VPS18: variants seen among roughly 807,000 people sequenced by gnomAD.
VPS18 encodes the protein VPS18 core subunit of CORVET and HOPS complexes, also known as vacuolar protein sorting-associated protein 18 homolog.
Under a neutral mutation model 82.0 loss-of-function variants are expected in VPS18, and 25 were observed. That is an observed-to-expected ratio of 0.30 (90% CI 0.22 to 0.43). The LOEUF (loss-of-function observed/expected upper bound fraction) is 0.43. VPS18 is among the 20% of genes least tolerant of loss of function. The pLI is 1.00. For synonymous variants in VPS18, 523 were observed against 543.0 expected (o/e 0.96, Z 0.51); for missense variants, 1,168 against 1,311.1 (o/e 0.89, Z 1.69).
Position 40,899,222 on chromosome 15 carries a change from C to T in VPS18, c.404C>T (p.Ala135Val). 1 of 1,614,232 alleles carries T rather than the reference C, an allele frequency of 6.2e-7. No homozygotes were observed. The highest frequency in any genetic ancestry group is 8.5e-7 in the Non-Finnish European group (1 of 1,180,050). ...NRNGQKVRPL[A>V]RWKGQLVESV... ...AATGGACAGAAGGTACGGCCACTAG[C>T]ACGCTGGAAGGGGCAGCTGGTGGAG... Residue 135 changes from alanine (A) to valine (V), a missense_variant, in exon 4 of 5, where the codon GCA (alanine) becomes GTA (valine). This residue lies in a region of VPS18 where 868 missense variants were observed against 939.8 expected (regional missense o/e 0.92). Coordinates refer to ENST00000220509, the MANE Select transcript of VPS18 (RefSeq NM_020857.3). The surrounding 1 kb of genome is among the most constrained non-coding windows in gnomAD (Gnocchi z 4.4).
In VPS18 at chr15:40,899,345, C is replaced by T. The variant is rs1892296024; in HGVS notation, c.527C>T (p.Ala176Val). The T allele has an allele frequency of 6.2e-7, 1 of 1,613,120 alleles. No homozygotes were observed. The change falls in exon 4 of 5, where the codon GCC becomes GTC. Residue 176 changes from alanine to valine, a missense_variant. By Grantham distance (64) the Ala-to-Val change is moderately conservative (BLOSUM62 0). Transcript: ENST00000220509. This position sits in a 1 kb window ranked among gnomAD's most constrained non-coding sequence, Gnocchi z 4.4. ...QGHIFEAELSASEGGLFGPAP... is the reference protein window; with the variant it reads ...QGHIFEAELSVSEGGLFGPAP... ...CACATCTTTGAAGCAGAGCTCTCAG[C>T]CAGCGAAGGTGGGCTTTTCGGCCCT...
In VPS18 at chr15:40,899,767, G is replaced by T. The variant is rs200336682; in HGVS notation, c.949G>T (p.Gly317Trp). Residue 317 changes from glycine (G) to tryptophan (W), a missense_variant, in exon 4 of 5, where the codon GGG (glycine) becomes TGG (tryptophan). Transcript: ENST00000220509. The surrounding 1 kb of genome is among the most constrained non-coding windows in gnomAD (Gnocchi z 4.4). Reference protein sequence around the residue: ...SEERVWEYPEGVGPGASPPLA... With the variant: ...SEERVWEYPEWVGPGASPPLA... ...GGAGCGAGTCTGGGAGTACCCAGAGGGGGTAGGGCCTGGGGCCAGCCCACC... is the reference window on the plus strand; with the variant it reads ...GGAGCGAGTCTGGGAGTACCCAGAGTGGGTAGGGCCTGGGGCCAGCCCACC... The T allele has an allele frequency of 6.8e-6, 11 of 1,613,114 alleles. No individual in the cohort carries two copies. The highest frequency in any genetic ancestry group is 3.3e-4 in the Middle Eastern group (2 of 6,084).
chr15:40,895,938 G>A lies in VPS18; in HGVS notation c.92G>A (p.Gly31Glu). 2.5e-6 allele frequency: 4 copies of A among 1,614,094 alleles called. No homozygotes were observed. Among genetic ancestry groups the A allele is most frequent in the Non-Finnish European group, 3.4e-6 (4 of 1,180,002 alleles). Residue 31 changes from glycine to glutamate, a missense_variant and splice_region_variant, in exon 2 of 5, where the codon GGG (glycine) becomes GAG (glutamate). By Grantham distance (98) the Gly-to-Glu change is moderately conservative. This residue lies in a region of VPS18 where 868 missense variants were observed against 939.8 expected (regional missense o/e 0.92). Coordinates refer to ENST00000220509, the MANE Select transcript of VPS18 (RefSeq NM_020857.3). Reference sequence around the variant, plus strand: ...TCTTCTTGTCATTCCTTACCTGTAGGGTATGTGAATGCCCAGCTGGAGAAG... The same window carrying A: ...TCTTCTTGTCATTCCTTACCTGTAGAGTATGTGAATGCCCAGCTGGAGAAG... ...GCPSVGIPHS[G>E]YVNAQLEKEV... is the part of the protein sequence containing the mutation.
chr15:40,901,355 G>T (rs1461003543), intron 4 of VPS18, among the ~76,000 whole-genome samples: 1 of 151,796 alleles, frequency 6.6e-6, no homozygotes. Context: ...TTGGGAGGCC[G>T]AGGTGGGCGG....
In VPS18 at chr15:40,900,619, A is replaced by G. The variant is rs762063753; in HGVS notation, c.1801A>G (p.Ile601Val). The change falls in exon 4 of 5, where the codon ATC (isoleucine) becomes GTC (valine). Residue 601 changes from isoleucine (I) to valine (V), a missense_variant. By Grantham distance (29) the Ile-to-Val change is conservative (BLOSUM62 3). Coordinates refer to ENST00000220509, the MANE Select transcript of VPS18 (RefSeq NM_020857.3). This position sits in a 1 kb window ranked among gnomAD's most constrained non-coding sequence, Gnocchi z 5.4. ...CCAGCTCTTCTACAAGTTCTCACCC[A>G]TCCTCATCCGTCACATCCCCCGCCA... ...DPQLFYKFSP[I>V]LIRHIPRQLV... 1.2e-6 allele frequency: 2 copies of G among 1,613,700 alleles called. No homozygotes were observed. The highest frequency in any genetic ancestry group is 1.3e-5 in the African/African-American group (1 of 74,830).
rs1251245999 is a variant in VPS18, at chr15:40,903,186, G to A, written c.2767G>A (p.Ala923Thr). The A allele has an allele frequency of 1.9e-6, 3 of 1,608,386 alleles. No homozygotes were observed. The highest frequency in any genetic ancestry group is 2.7e-5 in the African/African-American group (2 of 74,824). The change falls in exon 5 of 5, where the codon GCC (alanine) becomes ACC (threonine). Residue 923 changes from alanine (A) to threonine (T), a missense_variant. Physicochemically the swap from Ala to Thr is moderately conservative, Grantham distance 58 (BLOSUM62 0). Around this residue, in one of 3 missense-constraint regions of VPS18, gnomAD observed 296 missense variants for 354.0 expected, o/e 0.84. Transcript: ENST00000220509. ...ARAKEAEGGA[A>T]TAGPSREQLK... ...GGCCAAGGAGGCCGAGGGTGGGGCT[G>A]CCACGGCAGGGCCCAGCCGGGAACA...
At chr15:40,898,267 T>TC (rs1193459048) in intron 2 of VPS18, among the ~76,000 whole-genome samples, 12 of 147,882 alleles carry the variant, frequency 8.1e-5, no homozygotes, top group South Asian at 2.2e-4. Flanking sequence ...TTTTTTTTTT[T>TC]CCCCCCTTTT....
At position 40,899,645 on chromosome 15, in the gene VPS18, A is replaced by G; in HGVS notation, c.827A>G (p.Lys276Arg). 2 of 1,613,014 alleles carry G rather than the reference A, an allele frequency of 1.2e-6. No homozygotes were observed. The highest frequency in any genetic ancestry group is 1.7e-6 in the Non-Finnish European group (2 of 1,180,022). ...GYSELAFYTP[K>R]LRSAPRAFAW... The stretch of plus-strand genomic sequence containing the variant: ...AGTGAGTTGGCCTTCTACACCCCCA[A>G]GCTGCGCTCCGCACCCCGGGCCTTC... Residue 276 changes from lysine (K) to arginine (R), a missense_variant, in exon 4 of 5, where the codon AAG (lysine) becomes AGG (arginine). Coordinates refer to ENST00000220509, the MANE Select transcript of VPS18 (RefSeq NM_020857.3). This position sits in a 1 kb window ranked among gnomAD's most constrained non-coding sequence, Gnocchi z 4.4.
intron 2 of VPS18, among the ~76,000 whole-genome samples, chr15:40,896,462 A>G (rs905834636): frequency 2.0e-5 from 3 of 151,812 alleles, no homozygotes; most frequent in African/African-American, 7.3e-5. Context: ...ACTTGAGCCC[A>G]GGAGTTCAAG....
At chr15:40,901,217 C>T (rs1892351840) in intron 4 of VPS18, among the ~76,000 whole-genome samples, 1 of 152,194 alleles carries the variant, frequency 6.6e-6, no homozygotes, top group Admixed American at 6.5e-5. Flanking sequence ...AGTTTCTGAA[C>T]CTCTCTGTGC....
chr15:40,899,747 GA>G lies in VPS18; in HGVS notation c.930del (p.Val311SerfsTer8). 6.2e-7 allele frequency: 1 copy of G among 1,613,676 alleles called. No individual in the cohort carries two copies. Among genetic ancestry groups the G allele is most frequent in the Non-Finnish European group, 8.5e-7 (1 of 1,180,034 alleles). On this transcript the variant is annotated frameshift_variant, in exon 4 of 5. Coordinates refer to ENST00000220509, the MANE Select transcript of VPS18 (RefSeq NM_020857.3). LOFTEE classifies it high-confidence loss of function. This position sits in a 1 kb window ranked among gnomAD's most constrained non-coding sequence, Gnocchi z 4.4. Reference protein sequence around the residue: ...GRPDSLLSEERVWEYPEGVGP... With the variant: ...GRPDSLLSEEXVWEYPEGVGP... ...CCTGACTCTCTGCTGAGCGAGGAGCGAGTCTGGGAGTACCCAGAGGGGGTAG... is the reference window on the plus strand; with the variant it reads ...CCTGACTCTCTGCTGAGCGAGGAGCGGTCTGGGAGTACCCAGAGGGGGTAG...
At chr15:40,894,961 C>T in intron 1 of VPS18, 102 bp downstream of exon 1, 6 of 1,191,358 alleles carry the variant, frequency 5.0e-6, no homozygotes, top group Non-Finnish European at 6.9e-6. Context: ...TCCCCTGGGC[C>T]GTGCCTTCCG....
rs1278954031 is a variant in VPS18, at chr15:40,895,933, T to G, written c.92-5T>G. The G allele has an allele frequency of 3.1e-6, 5 of 1,614,084 alleles. No individual in the cohort carries two copies. The highest frequency in any genetic ancestry group is 4.2e-6 in the Non-Finnish European group (5 of 1,180,016). On this transcript the variant is annotated splice_polypyrimidine_tract_variant and splice_region_variant and intron_variant, in intron 1 of 4. Coordinates refer to ENST00000220509, the MANE Select transcript of VPS18 (RefSeq NM_020857.3). ...GCTAATCTTCTTGTCATTCCTTACC[T>G]GTAGGGTATGTGAATGCCCAGCTGG... is the stretch of plus-strand genomic sequence containing the variant.
At position 40,900,184 on chromosome 15, in the gene VPS18, A is replaced by G; in HGVS notation, c.1366A>G (p.Ile456Val). 1 of 1,613,612 alleles carries G rather than the reference A, an allele frequency of 6.2e-7. No homozygotes were observed. The change falls in exon 4 of 5, where the codon ATT becomes GTT. Residue 456 changes from isoleucine (I) to valine (V), a missense_variant. Physicochemically the swap from Ile to Val is conservative, Grantham distance 29. Transcript: ENST00000220509. This position sits in a 1 kb window ranked among gnomAD's most constrained non-coding sequence, Gnocchi z 5.4. ...CCTGACCCAGAGCTACTTTGAGGAG[A>G]TTGCCCTCAAGTTCCTGGAGGCCCG... is the stretch of plus-strand genomic sequence containing the variant. ...YALTQSYFEE[I>V]ALKFLEARQE...
chr15:40,897,396 C>A (rs1892247683), intron 2 of VPS18, among the ~76,000 whole-genome samples: 1 of 151,854 alleles, frequency 6.6e-6, no homozygotes, highest in South Asian at 2.1e-4. Flanking sequence ...CATGAAATAT[C>A]ATTAATTTAG....
chr15:40,898,831 C>G, intron 2 of VPS18, 76 bp from the exon 3 acceptor site: 1 of 1,415,766 alleles, frequency 7.1e-7, no homozygotes, highest in Non-Finnish European at 9.8e-7. Flanking sequence ...TGGCTTTTAT[C>G]AGATTATTAA....
At position 40,899,632 on chromosome 15, in the gene VPS18, T is replaced by G. The variant is rs1892304555; in HGVS notation, c.814T>G (p.Phe272Val). The G allele has an allele frequency of 6.2e-7, 1 of 1,612,156 alleles. No individual in the cohort carries two copies. Among genetic ancestry groups the G allele is most frequent in the Non-Finnish European group, 8.5e-7 (1 of 1,180,024 alleles). ...CAACCTGGGCTACAGTGAGTTGGCC[T>G]TCTACACCCCCAAGCTGCGCTCCGC... ...PSNLGYSELA[F>V]YTPKLRSAPR... The change falls in exon 4 of 5, where the codon TTC (phenylalanine) becomes GTC (valine). Residue 272 changes from phenylalanine (F) to valine (V), a missense_variant. Physicochemically the swap from Phe to Val is conservative, Grantham distance 50 (BLOSUM62 -1). Around this residue, in one of 3 missense-constraint regions of VPS18, gnomAD observed 868 missense variants for 939.8 expected, o/e 0.92. Coordinates refer to ENST00000220509, the MANE Select transcript of VPS18 (RefSeq NM_020857.3). The surrounding 1 kb of genome is among the most constrained non-coding windows in gnomAD (Gnocchi z 4.4).
Position 40,903,651 on chromosome 15 carries a change from G to A in VPS18, c.*310G>A. 1 of 274,474 alleles carries A rather than the reference G, an allele frequency of 3.6e-6. No homozygotes were observed. 17.0% of individuals were successfully genotyped at this position (274,474 alleles called of 1,614,324 possible). On this transcript the variant is annotated 3_prime_UTR_variant, in exon 5 of 5. Transcript: ENST00000220509. Reference sequence around the variant, plus strand: ...TGCCTCTAGCACCTCTTCTGTCCCTGTCATTCCCCACACACGTCCTGTTCA... The same window carrying A: ...TGCCTCTAGCACCTCTTCTGTCCCTATCATTCCCCACACACGTCCTGTTCA...
chr15:40,899,412 A>AG lies in VPS18; in HGVS notation c.595dup (p.Glu199GlyfsTer11). 1 of 1,603,950 alleles carries AG rather than the reference A, an allele frequency of 6.2e-7. No individual in the cohort carries two copies. Among genetic ancestry groups the AG allele is most frequent in the Non-Finnish European group, 8.5e-7 (1 of 1,172,402 alleles). On this transcript the variant is annotated frameshift_variant, in exon 4 of 5. Transcript: ENST00000220509. LOFTEE classifies it high-confidence loss of function. This position sits in a 1 kb window ranked among gnomAD's most constrained non-coding sequence, Gnocchi z 4.4. Reference sequence around the variant, plus strand: ...TCCGCCCATTGTACGTGCTAAATGAAGAAGGGGGTCCAGCACCTGTGTGCT... The same window carrying AG: ...TCCGCCCATTGTACGTGCTAAATGAAGGAAGGGGGTCCAGCACCTGTGTGCT...
Sources: gnomAD v4.1 joint callset for allele counts (sites outside exome capture counted in the v4.1 genomes callset) on GRCh38, gnomAD v4.1.1 for gene constraint, gnomAD v4.1.1 regional missense constraint, Gnocchi (gnomAD v3.1) non-coding constraint, MANE v1.5 for transcripts, NCBI Gene and HGNC (gene_info 2026-07-23, HGNC 2026-07-21) for gene names.